Variants in ANTXR1 observed in about 807,000 individuals in gnomAD.
ANTXR1 encodes the protein anthrax toxin receptor 1.
Under a neutral mutation model 78.1 loss-of-function variants are expected in ANTXR1, and 19 were observed. That is an observed-to-expected ratio of 0.24 (90% CI 0.17 to 0.36). ANTXR1 has a LOEUF of 0.36. Ranked by LOEUF, ANTXR1 falls within the 10% of genes least tolerant of loss-of-function variation. The probability of loss-of-function intolerance (pLI) is 1.00; values close to 1 mark genes in which losing one functional copy is unlikely to be tolerated. For synonymous variants in ANTXR1, 273 were observed against 260.5 expected (o/e 1.05, Z -0.46); for missense variants, 518 against 718.6 (o/e 0.72, Z 3.19).
intron 13 of ANTXR1, among the ~76,000 whole-genome samples, chr2:69,160,294 C>T (rs1394958841): frequency 1.3e-5 from 2 of 152,182 alleles, no homozygotes; most frequent in Non-Finnish European, 2.9e-5. Context: ...TAACCCCCAA[C>T]CCCCATGCTT....
intron 3 of ANTXR1, among the ~76,000 whole-genome samples, chr2:69,064,085 A>G (rs981252765): frequency 2.6e-5 from 4 of 152,214 alleles, no homozygotes; most frequent in African/African-American, 9.7e-5. Context: ...CAAGACTTAC[A>G]TTAAATATAA....
chr2:69,141,766 T>C (rs1169765248), intron 12 of ANTXR1, among the ~76,000 whole-genome samples: 1 of 152,196 alleles, frequency 6.6e-6, no homozygotes, highest in Non-Finnish European at 1.5e-5. Flanking sequence ...CATGAATGAG[T>C]GATACTTTGC....
chr2:69,180,402 T>C (rs76166607), intron 14 of ANTXR1, among the ~76,000 whole-genome samples: 6,052 of 152,272 alleles, frequency 0.04, 418 homozygotes, highest in African/African-American at 0.14. Context: ...TTCCTTATAA[T>C]CCATCCATGA....
chr2:69,139,549 A>G (rs1457895578), intron 12 of ANTXR1, among the ~76,000 whole-genome samples: 1 of 152,198 alleles, frequency 6.6e-6, no homozygotes, highest in Non-Finnish European at 1.5e-5. Flanking sequence ...GTTTAATGAC[A>G]TTGCTTTAAG....
At position 69,163,831 on chromosome 2, in the gene ANTXR1, G is replaced by C. The variant is rs541645820; in HGVS notation, c.1048-6417G>C. Among the ~76,000 whole-genome samples, 13 of 152,316 alleles carry C rather than the reference G, an allele frequency of 8.5e-5. No homozygotes were observed. In the South Asian group the frequency reaches 2.3e-3, roughly 27 times the overall value. On this transcript the variant is annotated intron_variant, in intron 13 of 17. Coordinates refer to ENST00000303714, the MANE Select transcript of ANTXR1 (RefSeq NM_032208.3). Reference sequence around the variant, plus strand: ...TTTCACATTCACCTGATGTTACTCAGTGGCGCCGAATACTGTCACCTCACA... The same window carrying C: ...TTTCACATTCACCTGATGTTACTCACTGGCGCCGAATACTGTCACCTCACA...
intron 17 of ANTXR1, among the ~76,000 whole-genome samples, chr2:69,242,350 G>A (rs1558669842): frequency 6.6e-6 from 1 of 152,124 alleles, no homozygotes; most frequent in Non-Finnish European, 1.5e-5. Flanking sequence ...TTAGTCTGTG[G>A]ATGCTTTCAA....
intron 1 of ANTXR1, among the ~76,000 whole-genome samples, chr2:69,025,985 T>C (rs755416927): frequency 6.6e-6 from 1 of 152,238 alleles, no homozygotes; most frequent in Non-Finnish European, 1.5e-5. Context: ...TCCATTAAAA[T>C]GGGCAGCCAT....
rs760816015 is a variant in ANTXR1 at position 69,070,628 on chromosome 2, G to A, written c.297-19G>A. 3 of 1,612,706 alleles carry A rather than the reference G, an allele frequency of 1.9e-6. No individual in the cohort carries two copies. The highest frequency in any genetic ancestry group is 1.7e-5 in the Admixed American group (1 of 60,000). On this transcript the variant is annotated intron_variant, in intron 3 of 17. Transcript: ENST00000303714. ...AAAAAATACTCAAATAAGACTAACA[G>A]AGTGTCTTTGGATTTCAGAGAACAA... is the stretch of plus-strand genomic sequence containing the variant.
chr2:69,124,513 G>T, intron 11 of ANTXR1, 52 bp from the exon 12 acceptor site: 1 of 1,532,518 alleles, frequency 6.5e-7, no homozygotes, highest in East Asian at 2.2e-5. Context: ...CTCTCAGCCT[G>T]TTGCTCATTG....
chr2:69,217,958 T>C (rs939093262), intron 17 of ANTXR1, among the ~76,000 whole-genome samples: 7 of 152,192 alleles, frequency 4.6e-5, no homozygotes, highest in Non-Finnish European at 1.0e-4. Flanking sequence ...GGCTGATTCC[T>C]GGAGGAAGCT....
chr2:69,218,363 AGGG>A (rs562878475), intron 17 of ANTXR1, among the ~76,000 whole-genome samples: 1 of 152,126 alleles, frequency 6.6e-6, no homozygotes, highest in Non-Finnish European at 1.5e-5. Context: ...CTGGAAAAAA[AGGG>A]GGGGATGGGT....
At chr2:69,161,750 T>G (rs993315644) in intron 13 of ANTXR1, among the ~76,000 whole-genome samples, 4 of 152,186 alleles carry the variant, frequency 2.6e-5, no homozygotes, top group Non-Finnish European at 5.9e-5. Context: ...AGCAAGCATC[T>G]CCTTCTAGCT....
chr2:69,167,766 G>A (rs922993754), intron 13 of ANTXR1, among the ~76,000 whole-genome samples: 11 of 152,144 alleles, frequency 7.2e-5, no homozygotes, highest in Admixed American at 3.9e-4. Flanking sequence ...GAACAGAGTG[G>A]CATTTTTTCC....
chr2:69,102,039 C>A (rs1327324838), intron 9 of ANTXR1, among the ~76,000 whole-genome samples: 1 of 152,148 alleles, frequency 6.6e-6, no homozygotes, highest in African/African-American at 2.4e-5. Flanking sequence ...ATATGCAGGC[C>A]AGGCAAGATA....
intron 1 of ANTXR1, among the ~76,000 whole-genome samples, chr2:69,029,050 C>A (rs60503438): frequency 0.025 from 3,706 of 150,282 alleles, 143 homozygotes; most frequent in African/African-American, 0.085. Flanking sequence ...GACCCCCCCC[C>A]CTCCATCTCT....
chr2:69,150,398 A>G (rs1010027141), intron 12 of ANTXR1, among the ~76,000 whole-genome samples: 1 of 152,142 alleles, frequency 6.6e-6, no homozygotes, highest in African/African-American at 2.4e-5. Context: ...CCACCTGGGT[A>G]CCCCATAGAT....
At chr2:69,194,049 C>G (rs1472311782) in intron 17 of ANTXR1, among the ~76,000 whole-genome samples, 6 of 152,224 alleles carry the variant, frequency 3.9e-5, no homozygotes, top group Admixed American at 6.5e-5. Context: ...CCATCCAGCC[C>G]ATGGCTTCAT....
chr2:69,077,177 T>C (rs959353745), intron 7 of ANTXR1: 33 of 586,980 alleles, frequency 5.6e-5, no homozygotes, highest in Non-Finnish European at 6.1e-6. Flanking sequence ...GAGAAAAGTA[T>C]TGAAACAAAT....
chr2:69,225,458 C>T (rs144435606), intron 17 of ANTXR1, among the ~76,000 whole-genome samples: 47 of 152,080 alleles, frequency 3.1e-4, no homozygotes, highest in East Asian at 2.1e-3. Context: ...CTAGCCTGGG[C>T]GACAAAGTGA....
Sources: gnomAD v4.1 joint callset for allele counts (sites outside exome capture counted in the v4.1 genomes callset) on GRCh38, gnomAD v4.1.1 for gene constraint, MANE v1.5 for transcripts, NCBI Gene and HGNC (gene_info 2026-07-23, HGNC 2026-07-21) for gene names.